The following SMARCD3 variants were observed in gnomAD, a reference collection of about 807,000 sequenced individuals.
The protein encoded by SMARCD3 is SWI/SNF related BAF chromatin remodeling complex subunit D3, also known as SWI/SNF-related matrix-associated actin-dependent regulator of chromatin subfamily D member 3.
A neutral mutation model predicts 58.0 loss-of-function variants in SMARCD3; 14 were observed. That is an observed-to-expected ratio of 0.24 (90% confidence interval 0.16 to 0.38). The LOEUF (loss-of-function observed/expected upper bound fraction) is 0.38. Among genes scored for constraint, SMARCD3 ranks in the 10% least tolerant of loss-of-function variants. SMARCD3 has a pLI of 1.00. For missense variants in SMARCD3, 408 were observed against 636.9 expected (o/e 0.64, Z 3.87); for synonymous variants, 253 against 253.8 (o/e 1.00, Z 0.03).
In SMARCD3 at chr7:151,245,832, G is replaced by A. The variant is rs1803233739; in HGVS notation, c.79-161C>T. On this transcript the variant is annotated intron_variant, in intron 1 of 12. Transcript: ENST00000262188. This position sits in a 1 kb window ranked among gnomAD's most constrained non-coding sequence, Gnocchi z 6.2. ...GTGGGAGCGATGGGTAGGAGGGGCA[G>A]GGGCGCCGGAATCTGCGCGGCTCTG... 5.2e-6 allele frequency: 2 copies of A among 383,004 alleles called. No individual in the cohort carries two copies. The highest frequency in any genetic ancestry group is 9.3e-6 in the Non-Finnish European group (2 of 216,168). The allele number at this position is 383,004 out of a possible 1,614,324, so 23.7% of individuals were successfully genotyped here.
intron 1 of SMARCD3, among the ~76,000 whole-genome samples, chr7:151,247,229 C>G (rs759497322): frequency 2.0e-4 from 31 of 152,040 alleles, no homozygotes; most frequent in Non-Finnish European, 3.8e-4. Flanking sequence ...GTAAGTTGAC[C>G]AGATTAAAAA....
At chr7:151,249,551 G>A (rs1031147201), upstream of SMARCD3, 3 of 151,856 alleles carry the variant, frequency 2.0e-5, no homozygotes, top group Admixed American at 6.6e-5. The surrounding 1 kb of genome is among the most constrained non-coding windows in gnomAD (Gnocchi z 4.8). Context: ...GTGCTCATGA[G>A]AACAGGAAGA....
chr7:151,271,504 A>G (rs1795173134), intron 2 of SMARCD3, among the ~76,000 whole-genome samples: 1 of 151,596 alleles, frequency 6.6e-6, no homozygotes, highest in African/African-American at 2.4e-5. Flanking sequence ...TCATACCCAA[A>G]CTCACCTGTG....
upstream of SMARCD3, among the ~76,000 whole-genome samples, chr7:151,252,534 C>G (rs1359842425): frequency 6.6e-6 from 1 of 152,044 alleles, no homozygotes; most frequent in Non-Finnish European, 1.5e-5. Context: ...CTGTGAGGAC[C>G]ACAAAGCCTT....
chr7:151,269,799 G>A (rs1795113310), intron 2 of SMARCD3, among the ~76,000 whole-genome samples: 1 of 152,216 alleles, frequency 6.6e-6, no homozygotes. Flanking sequence ...CAGGCATTGT[G>A]CAGAAGGTCC....
rs2150587249 is a variant in SMARCD3 at position 151,238,813 on chromosome 7, T to C, written c.*290A>G. On this transcript the variant is annotated 3_prime_UTR_variant, in exon 13 of 13. Coordinates refer to ENST00000262188, the MANE Select transcript of SMARCD3 (RefSeq NM_001003801.2). ...ATATGAAAATGTTATTAAACATGTCTTCTGCCAAACTGTTTTTAGGTCTAG... is the reference window on the plus strand; with the variant it reads ...ATATGAAAATGTTATTAAACATGTCCTCTGCCAAACTGTTTTTAGGTCTAG... 6.5e-7 allele frequency: 1 copy of C among 1,536,886 alleles called. No individual in the cohort carries two copies. The highest frequency in any genetic ancestry group is 8.7e-7 in the Non-Finnish European group (1 of 1,144,820).
At chr7:151,275,383 T>G (rs1795311090) in intron 1 of SMARCD3, 2 of 546,570 alleles carry the variant, frequency 3.7e-6, no homozygotes, top group Non-Finnish European at 6.6e-6. Context: ...GGGCCTAGGA[T>G]GGAGGCAACC....
intron 2 of SMARCD3, among the ~76,000 whole-genome samples, chr7:151,264,965 G>A (rs920357150): frequency 9.2e-4 from 140 of 152,310 alleles, no homozygotes; most frequent in African/African-American, 2.9e-3. Context: ...CTGTCCCTCA[G>A]GGCGTTGGCT....
intron 2 of SMARCD3, among the ~76,000 whole-genome samples, chr7:151,259,474 T>C (rs1803832206): frequency 1.3e-5 from 2 of 150,566 alleles, no homozygotes; most frequent in East Asian, 3.9e-4. Flanking sequence ...CACTGCTAAA[T>C]CCCAAGTACC....
At chr7:151,247,948 C>G (rs976704745) in intron 1 of SMARCD3, among the ~76,000 whole-genome samples, 23 of 152,204 alleles carry the variant, frequency 1.5e-4, no homozygotes, top group African/African-American at 5.3e-4. Context: ...CTCTCCCCCA[C>G]CCTAAGGCAG....
chr7:151,257,459 T>G (rs1803737785), intron 2 of SMARCD3, among the ~76,000 whole-genome samples: 1 of 152,216 alleles, frequency 6.6e-6, no homozygotes, highest in African/African-American at 2.4e-5. Context: ...CCTGAGTAGC[T>G]GGGACTACAG....
At chr7:151,247,693 C>G (rs1434480777) in intron 1 of SMARCD3, among the ~76,000 whole-genome samples, 1 of 139,268 alleles carries the variant, frequency 7.2e-6, no homozygotes, top group Non-Finnish European at 1.6e-5. Context: ...CATTCCCCAC[C>G]CCTCCATACC....
Position 151,242,409 on chromosome 7 carries a change from A to G in SMARCD3, c.579+72T>C. The stretch of plus-strand genomic sequence containing the variant: ...GCTGACTCCCTAGCCCTTAGTGCAG[A>G]CACCTTGTTCTGTTCTCAGTGCAGC... On this transcript the variant is annotated intron_variant, in intron 5 of 12. Transcript: ENST00000262188. This position sits in a 1 kb window ranked among gnomAD's most constrained non-coding sequence, Gnocchi z 4.7. 4.4e-6 allele frequency: 7 copies of G among 1,587,988 alleles called. No homozygotes were observed. The highest frequency in any genetic ancestry group is 6.0e-6 in the Non-Finnish European group (7 of 1,163,210).
chr7:151,269,213 C>T (rs1795085273), intron 2 of SMARCD3, among the ~76,000 whole-genome samples: 1 of 152,228 alleles, frequency 6.6e-6, no homozygotes, highest in Non-Finnish European at 1.5e-5. Context: ...GGCAAAAGCA[C>T]AGTGCTGCTT....
Position 151,239,504 on chromosome 7 carries a change from G to A in SMARCD3, c.1297-7C>T. 1 of 1,612,584 alleles carries A rather than the reference G, an allele frequency of 6.2e-7. No homozygotes were observed. The highest frequency in any genetic ancestry group is 8.5e-7 in the Non-Finnish European group (1 of 1,178,902). Reference sequence around the variant, plus strand: ...CGGCTACATCTGTCATCACCTGGGAGGGAGCGTGGGGTGAGCCCTGAGCCC... The same window carrying A: ...CGGCTACATCTGTCATCACCTGGGAAGGAGCGTGGGGTGAGCCCTGAGCCC... On this transcript the variant is annotated splice_region_variant and splice_polypyrimidine_tract_variant and intron_variant, in intron 11 of 12. Transcript: ENST00000262188. This position sits in a 1 kb window ranked among gnomAD's most constrained non-coding sequence, Gnocchi z 7.0.
chr7:151,240,309 G>T, intron 9 of SMARCD3, 62 bp from the exon 10 acceptor site: 1 of 1,609,098 alleles, frequency 6.2e-7, no homozygotes, highest in Non-Finnish European at 8.5e-7. Context: ...GGGCCCCGGG[G>T]CTGGGGCAGA....
rs959934298 is a variant in SMARCD3, at chr7:151,245,599, T to A, written c.151A>T (p.Met51Leu). Residue 51 changes from methionine (M) to leucine (L), a missense_variant, in exon 2 of 13, where the codon ATG becomes TTG. By Grantham distance (15) the Met-to-Leu change is conservative. Transcript: ENST00000262188. This position sits in a 1 kb window ranked among gnomAD's most constrained non-coding sequence, Gnocchi z 6.2. ...APMGPPGSPY[M>L]GSPAVRPGLA... ...CCGGGTCGCACGGCGGGGCTGCCCA[T>A]GTACGGGGAGCCCGGGGGGCCCATG... The A allele has an allele frequency of 1.1e-5, 13 of 1,171,204 alleles. No homozygotes were observed. The East Asian group carries it at 2.9e-4, about 26-fold the overall frequency. 72.6% of individuals were successfully genotyped at this position (1,171,204 alleles called of 1,614,324 possible).
Position 151,242,369 on chromosome 7 carries a change from C to A in SMARCD3, c.579+112G>T. On this transcript the variant is annotated intron_variant, in intron 5 of 12. Transcript: ENST00000262188. This position sits in a 1 kb window ranked among gnomAD's most constrained non-coding sequence, Gnocchi z 4.7. Reference sequence around the variant, plus strand: ...ACTTGGAATGTCTCTAGGCCTGCCCCTCCACCCAGCCTGGGCTGACTCCCT... The same window carrying A: ...ACTTGGAATGTCTCTAGGCCTGCCCATCCACCCAGCCTGGGCTGACTCCCT... 1 of 1,498,294 alleles carries A rather than the reference C, an allele frequency of 6.7e-7. No homozygotes were observed. The highest frequency in any genetic ancestry group is 1.2e-5 in the South Asian group (1 of 86,588). The allele number at this position is 1,498,294 out of a possible 1,614,324, so 92.8% of individuals were successfully genotyped here.
rs762660482 is a variant in SMARCD3, at chr7:151,242,863, G to A, written c.334-20C>T. On this transcript the variant is annotated intron_variant, in intron 3 of 12. Transcript: ENST00000262188. The surrounding 1 kb of genome is among the most constrained non-coding windows in gnomAD (Gnocchi z 4.7). ...CCGAATCTGGAGAAGGAGGAGCAGG[G>A]CAGGAGTCAGAGGCTCAAGTCCAGG... is the stretch of plus-strand genomic sequence containing the variant. The A allele has an allele frequency of 6.2e-7, 1 of 1,613,658 alleles. No homozygotes were observed. Among genetic ancestry groups the A allele is most frequent in the South Asian group, 1.1e-5 (1 of 91,040 alleles).
Sources: gnomAD v4.1 joint callset for allele counts (sites outside exome capture counted in the v4.1 genomes callset) on GRCh38, gnomAD v4.1.1 for gene constraint, Gnocchi (gnomAD v3.1) non-coding constraint, MANE v1.5 for transcripts, NCBI Gene and HGNC (gene_info 2026-07-23, HGNC 2026-07-21) for gene names.